GRIK1: variants seen among roughly 807,000 people sequenced by gnomAD.
GRIK1 encodes glutamate ionotropic receptor kainate type subunit 1.
Under a neutral mutation model 105.7 loss-of-function variants are expected in GRIK1, and 69 were observed. The observed-to-expected ratio is 0.65, with a 90% CI of 0.54 to 0.80. The LOEUF (loss-of-function observed/expected upper bound fraction) is 0.80. Among genes scored for constraint, GRIK1 ranks in the 30% least tolerant of loss-of-function variants. The pLI is 0.00. For synonymous variants in GRIK1, 438 were observed against 431.3 expected (o/e 1.02, Z -0.19); for missense variants, 1,109 against 1,167.3 (o/e 0.95, Z 0.73).
At chr21:29,553,186 G>C (rs363505) in intron 16 of GRIK1, 21,030 of 982,242 alleles carry the variant, frequency 0.021, 245 homozygotes, top group Non-Finnish European at 0.023. Context: ...AAGATGAAAA[G>C]AAGTCCATAG....
chr21:29,866,300 G>C (rs1182912246), intron 1 of GRIK1, among the ~76,000 whole-genome samples: 1 of 152,052 alleles, frequency 6.6e-6, no homozygotes, highest in African/African-American at 2.4e-5. Context: ...CTAAGCTAAA[G>C]TGATCTGCAC....
At chr21:29,623,298 C>G (rs963520996) in intron 7 of GRIK1, among the ~76,000 whole-genome samples, 12 of 152,072 alleles carry the variant, frequency 7.9e-5, no homozygotes, top group African/African-American at 2.9e-4. Flanking sequence ...AAAGACCCAC[C>G]CTCATGATTC....
chr21:29,633,280 C>A (rs1470786378), intron 7 of GRIK1, among the ~76,000 whole-genome samples: 1 of 152,120 alleles, frequency 6.6e-6, no homozygotes, highest in Admixed American at 6.5e-5. Flanking sequence ...GTGGGCAGAT[C>A]ATGAAGTCAA....
chr21:29,564,940 A>G (rs1035159191), intron 14 of GRIK1, among the ~76,000 whole-genome samples: 2 of 152,224 alleles, frequency 1.3e-5, no homozygotes, highest in Non-Finnish European at 2.9e-5. Context: ...GCATGGCTCT[A>G]TGGAACAGAG....
Position 29,784,619 on chromosome 21 carries a change from C to T in GRIK1, c.119-90556G>A, listed in dbSNP as rs144739369. ...CTATTTAAAGTATGTATGACATACA[C>T]AGAAAATCTCTTTGTTTTTAATAAA... On this transcript the variant is annotated intron_variant, in intron 1 of 17. Coordinates refer to ENST00000327783, the MANE Select transcript of GRIK1 (RefSeq NM_001330994.2). Among the ~76,000 whole-genome samples, 169 of 152,088 alleles carry T rather than the reference C, an allele frequency of 1.1e-3. 1 individual carries two copies. The highest frequency in any genetic ancestry group is 3.7e-3 in the African/African-American group (155 of 41,512).
chr21:29,808,802 T>C (rs575673476), intron 1 of GRIK1, among the ~76,000 whole-genome samples: 1 of 152,254 alleles, frequency 6.6e-6, no homozygotes, highest in South Asian at 2.1e-4. Flanking sequence ...CAAAATGTAG[T>C]TTATAATTTT....
chr21:29,885,421 A>C (rs1199065031), intron 1 of GRIK1, among the ~76,000 whole-genome samples: 1 of 152,118 alleles, frequency 6.6e-6, no homozygotes, highest in African/African-American at 2.4e-5. Context: ...ACGTAAGAAA[A>C]ATAAATTCCT....
At chr21:29,870,764 C>T (rs1569177440) in intron 1 of GRIK1, among the ~76,000 whole-genome samples, 1 of 152,034 alleles carries the variant, frequency 6.6e-6, no homozygotes, top group Non-Finnish European at 1.5e-5. Flanking sequence ...CACAGTAGAA[C>T]CAGAATTATA....
intron 1 of GRIK1, among the ~76,000 whole-genome samples, chr21:29,837,431 C>G (rs2067838404): frequency 6.6e-6 from 1 of 152,104 alleles, no homozygotes; most frequent in African/African-American, 2.4e-5. Flanking sequence ...ATATTTATAA[C>G]TCATTGTGAA....
chr21:29,770,616 A>G (rs2832439), intron 1 of GRIK1, among the ~76,000 whole-genome samples: 25,978 of 152,262 alleles, frequency 0.17, 3,060 homozygotes, highest in Non-Finnish European at 0.26. Context: ...TAAATGTATT[A>G]CTCAAATAAA....
chr21:29,755,522 A>G (rs556922445), intron 1 of GRIK1, among the ~76,000 whole-genome samples: 2 of 152,352 alleles, frequency 1.3e-5, no homozygotes, highest in East Asian at 3.9e-4. Context: ...TGAGGTTTAA[A>G]TTGCTTGTCC....
chr21:29,560,488 T>C (rs2090424588), intron 15 of GRIK1, among the ~76,000 whole-genome samples: 1 of 53,810 alleles, frequency 1.9e-5, no homozygotes, highest in Non-Finnish European at 3.4e-5. Flanking sequence ...TCTCCCTTTC[T>C]TTCTTTCTTT....
intron 7 of GRIK1, among the ~76,000 whole-genome samples, chr21:29,635,033 G>A (rs1378499044): frequency 6.6e-6 from 1 of 152,168 alleles, no homozygotes; most frequent in Non-Finnish European, 1.5e-5. Flanking sequence ...TAACAGTCCA[G>A]GTGAAAAATG....
intron 9 of GRIK1, among the ~76,000 whole-genome samples, chr21:29,593,625 C>T (rs1053860663): frequency 1.3e-5 from 2 of 152,114 alleles, no homozygotes; most frequent in South Asian, 4.1e-4. Flanking sequence ...CACTTAGACA[C>T]TGAGGAGAAG....
chr21:29,850,850 T>A (rs2832453), intron 1 of GRIK1, among the ~76,000 whole-genome samples: 45,078 of 147,560 alleles, frequency 0.31, 7,047 homozygotes, highest in East Asian at 0.46. Flanking sequence ...AATGTTTGTA[T>A]AAAAGCCAGA....
chr21:29,670,985 A>T (rs993064626), intron 4 of GRIK1, among the ~76,000 whole-genome samples: 2 of 152,242 alleles, frequency 1.3e-5, no homozygotes, highest in African/African-American at 4.8e-5. Context: ...CAGGAGTGAC[A>T]GCATCTCATG....
At chr21:29,684,278 CT>C (rs2063439660) in intron 3 of GRIK1, among the ~76,000 whole-genome samples, 1 of 151,970 alleles carries the variant, frequency 6.6e-6, no homozygotes, top group South Asian at 2.1e-4. Context: ...ATCTATCTAT[CT>C]ATCTATCTAT....
At chr21:29,769,583 C>G (rs919959410) in intron 1 of GRIK1, among the ~76,000 whole-genome samples, 1 of 152,078 alleles carries the variant, frequency 6.6e-6, no homozygotes, top group Non-Finnish European at 1.5e-5. Flanking sequence ...ATCTAATGTC[C>G]CCGCTGATCT....
At chr21:29,656,395 G>C (rs1601386844) in intron 4 of GRIK1, among the ~76,000 whole-genome samples, 1 of 88,908 alleles carries the variant, frequency 1.1e-5, no homozygotes, top group Non-Finnish European at 2.4e-5. Context: ...AAAAAGAAAT[G>C]AAGAGAGAAG....
Sources: gnomAD v4.1 joint callset for allele counts (sites outside exome capture counted in the v4.1 genomes callset) on GRCh38, gnomAD v4.1.1 for gene constraint, MANE v1.5 for transcripts, NCBI Gene and HGNC (gene_info 2026-07-23, HGNC 2026-07-21) for gene names.